VPS54: variants seen among roughly 807,000 people sequenced by gnomAD.
VPS54 encodes the protein vacuolar protein sorting-associated protein 54.
VPS54 carries 45 observed loss-of-function variants against 121.5 expected under a neutral mutation model. The ratio of observed to expected loss-of-function variants is 0.37; its 90% CI spans 0.29 to 0.47. The LOEUF (loss-of-function observed/expected upper bound fraction) is 0.47. VPS54 is among the 20% of genes least tolerant of loss of function. VPS54 has a pLI of 0.99. For missense variants in VPS54, 1,090 were observed against 1,131.4 expected (o/e 0.96, Z 0.52); for synonymous variants, 371 against 385.8 (o/e 0.96, Z 0.45).
At chr2:64,014,357 A>G (rs1478947462) in intron 1 of VPS54, among the ~76,000 whole-genome samples, 5 of 152,194 alleles carry the variant, frequency 3.3e-5, no homozygotes, top group Admixed American at 6.5e-5. Context: ...TAAAATATAT[A>G]TATTTTCAAG....
chr2:64,018,098 A>T (rs1373289212), intron 1 of VPS54, among the ~76,000 whole-genome samples: 1 of 152,238 alleles, frequency 6.6e-6, no homozygotes, highest in African/African-American at 2.4e-5. Flanking sequence ...CAAGTAATTT[A>T]TCACGGTATT....
At chr2:63,923,900 C>G (rs895389616) in intron 12 of VPS54, among the ~76,000 whole-genome samples, 2 of 152,172 alleles carry the variant, frequency 1.3e-5, no homozygotes, top group African/African-American at 4.8e-5. Context: ...AAAACACTTG[C>G]TACAGGAATA....
intron 1 of VPS54, among the ~76,000 whole-genome samples, chr2:64,015,146 A>G (rs965122157): frequency 8.5e-5 from 13 of 152,168 alleles, no homozygotes; most frequent in Non-Finnish European, 1.6e-4. Context: ...ACTTCTGGAT[A>G]AAAAAGATAT....
chr2:63,966,955 G>A (rs11886163), intron 5 of VPS54, among the ~76,000 whole-genome samples: 6 of 152,038 alleles, frequency 3.9e-5, no homozygotes, highest in Admixed American at 1.3e-4. Context: ...CAAATGTGTC[G>A]TTGTGCATGA....
At chr2:63,981,990 AAACC>A (rs745931502) in intron 2 of VPS54, 103 bp from the exon 3 acceptor site, 3 of 1,212,786 alleles carry the variant, frequency 2.5e-6, no homozygotes, top group South Asian at 1.9e-5. Context: ...CATCTTACGC[AAACC>A]AACTAATCTT....
Position 63,921,925 on chromosome 2 carries a change from A to G in VPS54, c.1740-590T>C, listed in dbSNP as rs1210186467. Among the ~76,000 whole-genome samples, 82 of 152,260 alleles carry G rather than the reference A, an allele frequency of 5.4e-4. 1 individual carries two copies. The highest frequency in any genetic ancestry group is 5.4e-3 in the Admixed American group (82 of 15,294). On this transcript the variant is annotated intron_variant, in intron 12 of 22. Coordinates refer to ENST00000272322, the MANE Select transcript of VPS54 (RefSeq NM_016516.3). ...TTAGATTAGGTACAAGGTAGTAGCT[A>G]TGTCAGGGGACAGTTGTGCATAGGC...
At chr2:63,938,870 G>A (rs1034144994) in intron 11 of VPS54, among the ~76,000 whole-genome samples, 1 of 152,150 alleles carries the variant, frequency 6.6e-6, no homozygotes, top group Non-Finnish European at 1.5e-5. Flanking sequence ...TGAACTTAAT[G>A]CCACTGAATT....
At chr2:64,011,046 T>C (rs904178973) in intron 1 of VPS54, among the ~76,000 whole-genome samples, 1 of 152,190 alleles carries the variant, frequency 6.6e-6, no homozygotes, top group Non-Finnish European at 1.5e-5. Context: ...CAATAAGAAA[T>C]AATATTGACT....
intron 22 of VPS54, among the ~76,000 whole-genome samples, chr2:63,894,408 T>A (rs536992951): frequency 2.9e-4 from 44 of 152,304 alleles, no homozygotes; most frequent in African/African-American, 9.9e-4. Flanking sequence ...AATTTATCTA[T>A]GGCTGATTCA....
chr2:64,011,569 GA>G (rs202051611), intron 1 of VPS54, among the ~76,000 whole-genome samples: 236 of 147,102 alleles, frequency 1.6e-3, no homozygotes, highest in African/African-American at 5.4e-3. Context: ...CATCTCAAAA[GA>G]AAAAAAAAAT....
At chr2:63,916,453 T>G (rs1673383242) in intron 16 of VPS54, among the ~76,000 whole-genome samples, 1 of 152,186 alleles carries the variant, frequency 6.6e-6, no homozygotes, top group East Asian at 1.9e-4. Context: ...CTAAATGCTT[T>G]ACATGAATTA....
At chr2:63,994,972 A>G (rs577809495) in intron 1 of VPS54, among the ~76,000 whole-genome samples, 18 of 152,350 alleles carry the variant, frequency 1.2e-4, no homozygotes, top group African/African-American at 2.6e-4. Context: ...TCTACTTTGC[A>G]TAGGAGGTTC....
intron 20 of VPS54, among the ~76,000 whole-genome samples, chr2:63,909,728 T>TTTG (rs1206971291): frequency 8.9e-5 from 13 of 145,762 alleles, no homozygotes; most frequent in South Asian, 2.2e-4. Context: ...GTTTTTGGTT[T>TTTG]TTTTTTTTTT....
At chr2:63,942,424 A>C in intron 11 of VPS54, 41 bp downstream of exon 11, 5 of 1,390,616 alleles carry the variant, frequency 3.6e-6, no homozygotes, top group Non-Finnish European at 4.8e-6. Context: ...AAGCTGACTT[A>C]ATTTTAGGGA....
chr2:63,903,276 A>G (rs370244244), intron 20 of VPS54, among the ~76,000 whole-genome samples: 1 of 152,242 alleles, frequency 6.6e-6, no homozygotes. Context: ...GAGCCAGAAG[A>G]CAACTGAACT....
chr2:63,993,110 G>A (rs531954118), intron 1 of VPS54, among the ~76,000 whole-genome samples: 127 of 152,170 alleles, frequency 8.3e-4, no homozygotes, highest in African/African-American at 2.3e-3. Context: ...ATTACACATC[G>A]CTCAGGACAA....
rs766980442 is a variant in VPS54, at chr2:63,981,781, T to C, written c.243A>G (p.Arg81=). 2 of 1,613,836 alleles carry C rather than the reference T, an allele frequency of 1.2e-6. No homozygotes were observed. Among genetic ancestry groups the C allele is most frequent in the Non-Finnish European group, 1.7e-6 (2 of 1,179,826 alleles). Residue 81 remains arginine, a synonymous_variant, in exon 3 of 23, where the codon AGA becomes AGG. Transcript: ENST00000272322. The stretch of plus-strand genomic sequence containing the variant: ...AGAAGTCAGATTCTCTTTTTGCTAA[T>C]CTAGGATCGTTTAATGCTGCTGGGA... The part of the protein sequence containing the change: ...VNLPAALNDP[R]LAKRESDFFT...
intron 1 of VPS54, among the ~76,000 whole-genome samples, chr2:63,992,300 G>T (rs1677363544): frequency 6.6e-6 from 1 of 152,206 alleles, no homozygotes; most frequent in Admixed American, 6.5e-5. Context: ...AAGGAAAAAA[G>T]TTTGAGGGTT....
intron 5 of VPS54, among the ~76,000 whole-genome samples, chr2:63,968,293 A>G (rs1351760470): frequency 1.3e-5 from 2 of 152,096 alleles, no homozygotes; most frequent in Non-Finnish European, 2.9e-5. Context: ...TTTTTAATGG[A>G]AAGATTTTAA....
Sources: allele counts gnomAD v4.1 joint callset (sites outside exome capture counted in the v4.1 genomes callset), GRCh38; gene constraint gnomAD v4.1.1; transcripts MANE v1.5; gene names NCBI Gene and HGNC (gene_info 2026-07-23, HGNC 2026-07-21).